PDE3A: variants seen among roughly 807,000 people sequenced by gnomAD.
The protein encoded by PDE3A is cGMP-inhibited 3',5'-cyclic phosphodiesterase 3A.
Under a neutral mutation model 98.3 loss-of-function variants are expected in PDE3A, and 43 were observed. The observed-to-expected ratio is 0.44, with a 90% CI of 0.34 to 0.56. The LOEUF is 0.56. Ranked by LOEUF, PDE3A falls within the 20% of genes least tolerant of loss-of-function variation. The probability of loss-of-function intolerance (pLI) is 0.01; values close to 1 mark genes in which losing one functional copy is unlikely to be tolerated. For synonymous variants in PDE3A, 663 were observed against 567.9 expected (o/e 1.17, Z -2.38); for missense variants, 1,427 against 1,440.7 (o/e 0.99, Z 0.15).
At chr12:20,652,545 CT>C (rs1296973463) in intron 14 of PDE3A, among the ~76,000 whole-genome samples, 4 of 152,086 alleles carry the variant, frequency 2.6e-5, no homozygotes, top group African/African-American at 9.7e-5. Context: ...TTTCATGTGT[CT>C]TTTGGCTGCA....
At chr12:20,400,669 C>T (rs545728555) in intron 1 of PDE3A, among the ~76,000 whole-genome samples, 23 of 152,210 alleles carry the variant, frequency 1.5e-4, no homozygotes, top group African/African-American at 5.3e-4. Context: ...CCGCCCGCCT[C>T]GGCCTCCCAA....
In PDE3A at chr12:20,685,257, A is replaced by T. The variant is rs1304115472; in HGVS notation, c.*4986A>T. 1.3e-5 allele frequency among the ~76,000 whole-genome samples: 2 copies of T among 152,046 alleles called. No individual in the cohort carries two copies. Among genetic ancestry groups the T allele is most frequent in the East Asian group, 3.9e-4 (2 of 5,182 alleles). ...GAGAAACCCCGTCTTTACTAAAAAT[A>T]CAAAATGATTCAGGTGTGGTGGCGC... On this transcript the variant is annotated 3_prime_UTR_variant, in exon 16 of 16. Coordinates refer to ENST00000359062, the MANE Select transcript of PDE3A (RefSeq NM_000921.5).
intron 2 of PDE3A, among the ~76,000 whole-genome samples, chr12:20,587,586 G>A (rs926931044): frequency 1.3e-5 from 2 of 151,948 alleles, no homozygotes; most frequent in Non-Finnish European, 2.9e-5. Context: ...TATTTTTTAT[G>A]GAACATATCT....
At position 20,438,034 on chromosome 12, in the gene PDE3A, A is replaced by C. The variant is rs191606385; in HGVS notation, c.960+67790A>C. ...GAAATCATTTTGTTACAATTGTCTTACAAAGCAGCCCTGTGCAAGGCTGTT... is the reference window on the plus strand; with the variant it reads ...GAAATCATTTTGTTACAATTGTCTTCCAAAGCAGCCCTGTGCAAGGCTGTT... On this transcript the variant is annotated intron_variant, in intron 1 of 15. Transcript: ENST00000359062. Among the ~76,000 whole-genome samples, 252 of 151,982 alleles carry C rather than the reference A, an allele frequency of 1.7e-3. 2 individuals are homozygous for C. Among genetic ancestry groups the C allele is most frequent in the Middle Eastern group, 0.01 (3 of 290 alleles).
intron 1 of PDE3A, among the ~76,000 whole-genome samples, chr12:20,433,868 G>A (rs1339638848): frequency 6.6e-6 from 1 of 152,068 alleles, no homozygotes; most frequent in Non-Finnish European, 1.5e-5. Flanking sequence ...GAGAGATCAT[G>A]TGTAGATAGA....
intron 15 of PDE3A, among the ~76,000 whole-genome samples, chr12:20,664,187 T>G (rs781080178): frequency 2.0e-4 from 30 of 152,162 alleles, no homozygotes; most frequent in Non-Finnish European, 3.8e-4. Flanking sequence ...TGTGAGTCAA[T>G]TAAACCTCTT....
intron 1 of PDE3A, among the ~76,000 whole-genome samples, chr12:20,513,910 G>A (rs1428687613): frequency 6.6e-6 from 1 of 152,072 alleles, no homozygotes; most frequent in African/African-American, 2.4e-5. Flanking sequence ...TTTTTGGCTT[G>A]TTTCAATTGG....
chr12:20,449,839 G>T, intron 1 of PDE3A: 1 of 570,816 alleles, frequency 1.8e-6, no homozygotes, highest in South Asian at 3.3e-5. Flanking sequence ...TAATTTACTG[G>T]CAGAGAGACC....
intron 1 of PDE3A, among the ~76,000 whole-genome samples, chr12:20,449,381 C>G (rs748106704): frequency 6.6e-6 from 1 of 152,136 alleles, no homozygotes; most frequent in Non-Finnish European, 1.5e-5. Context: ...GTTTTTCCAA[C>G]CAGAGTTTGT....
At chr12:20,607,809 A>G (rs1943749009) in intron 2 of PDE3A, among the ~76,000 whole-genome samples, 1 of 152,118 alleles carries the variant, frequency 6.6e-6, no homozygotes, top group South Asian at 2.1e-4. Flanking sequence ...TACTGCACTG[A>G]AAGATGGTTT....
intron 1 of PDE3A, among the ~76,000 whole-genome samples, chr12:20,383,065 C>G (rs2120553595): frequency 6.6e-6 from 1 of 152,018 alleles, no homozygotes; most frequent in East Asian, 1.9e-4. Context: ...ATAGGGACTT[C>G]AGATGCTTCG....
intron 2 of PDE3A, among the ~76,000 whole-genome samples, chr12:20,572,903 C>T (rs1942834879): frequency 6.6e-6 from 1 of 151,948 alleles, no homozygotes; most frequent in Non-Finnish European, 1.5e-5. Flanking sequence ...ATCAGAAATG[C>T]CAATATATAA....
chr12:20,483,016 G>A (rs1028194201), intron 1 of PDE3A, among the ~76,000 whole-genome samples: 1 of 152,020 alleles, frequency 6.6e-6, no homozygotes, highest in Non-Finnish European at 1.5e-5. Flanking sequence ...TCTCTTTATA[G>A]CACTGCTTTT....
chr12:20,661,854 G>T (rs1945178071), intron 15 of PDE3A, among the ~76,000 whole-genome samples: 1 of 152,164 alleles, frequency 6.6e-6, no homozygotes, highest in Admixed American at 6.5e-5. Flanking sequence ...TAGGGTCAGA[G>T]CTACCACACA....
chr12:20,496,200 G>A (rs549833518), intron 1 of PDE3A, among the ~76,000 whole-genome samples: 1 of 152,276 alleles, frequency 6.6e-6, no homozygotes, highest in African/African-American at 2.4e-5. Context: ...AGATAGATGA[G>A]TGCCTGATAC....
chr12:20,475,308 G>A (rs567922902), intron 1 of PDE3A, among the ~76,000 whole-genome samples: 5 of 151,604 alleles, frequency 3.3e-5, no homozygotes, highest in East Asian at 1.9e-4. Context: ...TACTGCCTTC[G>A]GTTAGCTCAC....
chr12:20,386,142 A>T (rs867674842), intron 1 of PDE3A, among the ~76,000 whole-genome samples: 2,139 of 27,834 alleles, frequency 0.077, 176 homozygotes, highest in African/African-American at 0.16. Flanking sequence ...AATATATATA[A>T]ATATATATAT....
chr12:20,554,911 T>G (rs1942328138), intron 1 of PDE3A, among the ~76,000 whole-genome samples: 1 of 152,256 alleles, frequency 6.6e-6, no homozygotes, highest in Non-Finnish European at 1.5e-5. Flanking sequence ...TATTCCAAAT[T>G]ATTTCATTCA....
Position 20,552,559 on chromosome 12 carries a change from A to G in PDE3A, c.961-4101A>G. The G allele has an allele frequency of 1.2e-6, 2 of 1,613,722 alleles. No individual in the cohort carries two copies. Among genetic ancestry groups the G allele is most frequent in the South Asian group, 2.2e-5 (2 of 91,030 alleles). ...GGGCTTCGCGTCCCCCAGGACGGGC[A>G]AGGGCAAGTGGAAGCGGAAGTCGGC... On this transcript the variant is annotated intron_variant, in intron 1 of 15. Transcript: ENST00000359062. The surrounding 1 kb of genome is among the most constrained non-coding windows in gnomAD (Gnocchi z 5.1).
Sources: allele counts gnomAD v4.1 joint callset (sites outside exome capture counted in the v4.1 genomes callset), GRCh38; gene constraint gnomAD v4.1.1; non-coding constraint Gnocchi (gnomAD v3.1); transcripts MANE v1.5; gene names NCBI Gene and HGNC (gene_info 2026-07-23, HGNC 2026-07-21).